FNDC3A: variants seen among roughly 807,000 people sequenced by gnomAD.
The protein encoded by FNDC3A is fibronectin type III domain containing 3A, also known as fibronectin type-III domain-containing protein 3A.
A neutral mutation model predicts 148.9 loss-of-function variants in FNDC3A; 32 were observed. That is an observed-to-expected ratio of 0.21 (90% CI 0.16 to 0.29). FNDC3A has a LOEUF of 0.29. Ranked by LOEUF, FNDC3A falls within the 10% of genes least tolerant of loss-of-function variation. The probability of loss-of-function intolerance (pLI) is 1.00; values close to 1 mark genes in which losing one functional copy is unlikely to be tolerated. For synonymous variants in FNDC3A, 472 were observed against 473.6 expected (o/e 1.00, Z 0.04); for missense variants, 1,191 against 1,452.8 (o/e 0.82, Z 2.93).
At chr13:49,019,694 A>G (rs970153485) in intron 2 of FNDC3A, among the ~76,000 whole-genome samples, 8 of 152,064 alleles carry the variant, frequency 5.3e-5, no homozygotes, top group Non-Finnish European at 1.5e-5. Context: ...ATTGTGATAC[A>G]TTGTTCTTTT....
intron 4 of FNDC3A, among the ~76,000 whole-genome samples, chr13:49,126,201 C>T (rs1881684922): frequency 1.3e-5 from 2 of 151,644 alleles, no homozygotes; most frequent in South Asian, 2.1e-4. Context: ...GTTCACCGTG[C>T]TCTTGGTTCT....
intron 3 of FNDC3A, among the ~76,000 whole-genome samples, chr13:49,099,598 T>C (rs990260700): frequency 6.6e-6 from 1 of 152,166 alleles, no homozygotes; most frequent in African/African-American, 2.4e-5. Flanking sequence ...ACTTATTGTA[T>C]TGTGTATAAC....
In FNDC3A at chr13:49,208,924, T is replaced by G. The variant is rs1291256793; in HGVS notation, c.*1529T>G. The G allele has an allele frequency of 6.6e-6, 1 of 152,614 alleles. No homozygotes were observed. The highest frequency in any genetic ancestry group is 1.5e-5 in the Non-Finnish European group (1 of 68,016). 9.5% of individuals were successfully genotyped at this position (152,614 alleles called of 1,614,324 possible). ...CTGAAGAATTTCTTTTATAATAGAA[T>G]GGGCATGTATTGTAACAGTTTTATG... is the stretch of plus-strand genomic sequence containing the variant. On this transcript the variant is annotated 3_prime_UTR_variant, in exon 26 of 26. Coordinates refer to ENST00000492622, the MANE Select transcript of FNDC3A (RefSeq NM_001079673.2).
intron 2 of FNDC3A, among the ~76,000 whole-genome samples, chr13:49,066,960 GTC>G (rs1053378887): frequency 6.6e-6 from 1 of 152,120 alleles, no homozygotes; most frequent in Non-Finnish European, 1.5e-5. Context: ...TCAAAAAACA[GTC>G]TATTTTTTAA....
chr13:49,205,268 A>G (rs191519328), intron 25 of FNDC3A, among the ~76,000 whole-genome samples: 1 of 152,348 alleles, frequency 6.6e-6, no homozygotes, highest in East Asian at 1.9e-4. Flanking sequence ...TGCCAGGCTC[A>G]TGGAATGGTA....
At chr13:48,986,385 G>GGTT (rs1951795265) in intron 1 of FNDC3A, among the ~76,000 whole-genome samples, 1 of 54,412 alleles carries the variant, frequency 1.8e-5, no homozygotes, top group Non-Finnish European at 3.1e-5. Flanking sequence ...GAAGGAAGTT[G>GGTT]TTTTTTTTTT....
At chr13:49,206,436 A>C (rs1440284805) in intron 25 of FNDC3A, among the ~76,000 whole-genome samples, 1 of 151,630 alleles carries the variant, frequency 6.6e-6, no homozygotes, top group Non-Finnish European at 1.5e-5. Context: ...ATTTTTCACA[A>C]AAAAAAAATT....
intron 8 of FNDC3A, among the ~76,000 whole-genome samples, chr13:49,158,645 G>C (rs912691287): frequency 3.3e-5 from 5 of 152,182 alleles, no homozygotes; most frequent in African/African-American, 1.2e-4. Flanking sequence ...TGTCTATTTT[G>C]GCTTTTGTTG....
chr13:48,994,443 T>C (rs540826491), intron 1 of FNDC3A, among the ~76,000 whole-genome samples: 1 of 152,354 alleles, frequency 6.6e-6, no homozygotes, highest in Non-Finnish European at 1.5e-5. Flanking sequence ...TTTGTAATTA[T>C]GTTTTAAAAA....
At chr13:49,083,360 C>T (rs372965844) in intron 3 of FNDC3A, among the ~76,000 whole-genome samples, 7 of 152,082 alleles carry the variant, frequency 4.6e-5, no homozygotes, top group Admixed American at 3.3e-4. Context: ...CTTATTTTAG[C>T]GGAACTAGAA....
intron 13 of FNDC3A, among the ~76,000 whole-genome samples, chr13:49,176,804 C>CT (rs879416078): frequency 1.0e-3 from 152 of 151,408 alleles, no homozygotes; most frequent in Non-Finnish European, 1.7e-3. Flanking sequence ...AGAACTCAGT[C>CT]TTTTTTTTTC....
chr13:49,157,584 G>A (rs1883780325), intron 8 of FNDC3A, among the ~76,000 whole-genome samples: 1 of 151,290 alleles, frequency 6.6e-6, no homozygotes, highest in African/African-American at 2.4e-5. Flanking sequence ...TCCTTTGGAG[G>A]AGGAGAGGTG....
intron 2 of FNDC3A, among the ~76,000 whole-genome samples, chr13:49,016,047 C>G (rs1449942331): frequency 6.8e-6 from 1 of 146,930 alleles, no homozygotes; most frequent in Non-Finnish European, 1.5e-5. Context: ...TCATCAAGGA[C>G]ATTGGTCTAA....
At chr13:49,044,838 A>G (rs987792095) in intron 2 of FNDC3A, 2 of 372,690 alleles carry the variant, frequency 5.4e-6, no homozygotes, top group Non-Finnish European at 5.3e-6. Context: ...GTTAGAAACT[A>G]CTGGGGTTTG....
chr13:49,197,940 T>C (rs1356164928), intron 21 of FNDC3A, 42 bp from the exon 22 acceptor site: 2 of 1,590,184 alleles, frequency 1.3e-6, no homozygotes, highest in East Asian at 2.2e-5. Context: ...GGCATTTTCA[T>C]GGTCATGACT....
At chr13:49,206,388 A>G (rs984782665) in intron 25 of FNDC3A, among the ~76,000 whole-genome samples, 6 of 150,826 alleles carry the variant, frequency 4.0e-5, no homozygotes, top group African/African-American at 1.4e-4. Flanking sequence ...TGTGGTAGTT[A>G]TTTATATCTC....
intron 8 of FNDC3A, among the ~76,000 whole-genome samples, chr13:49,157,131 C>T (rs1201438868): frequency 9.1e-6 from 1 of 110,182 alleles, no homozygotes; most frequent in East Asian, 2.6e-4. Flanking sequence ...AACTTGGTTC[C>T]ATTCTCCCCA....
In FNDC3A at chr13:49,196,263, T is replaced by C. The variant is rs1055541271; in HGVS notation, c.2227-614T>C. Reference sequence around the variant, plus strand: ...TCTTTTGCTAATGAGCTTTGAAAAATTGATGACAAGAAATTTCTGTAATTG... The same window carrying C: ...TCTTTTGCTAATGAGCTTTGAAAAACTGATGACAAGAAATTTCTGTAATTG... On this transcript the variant is annotated intron_variant, in intron 19 of 25. Coordinates refer to ENST00000492622, the MANE Select transcript of FNDC3A (RefSeq NM_001079673.2). 2.0e-5 allele frequency among the ~76,000 whole-genome samples: 3 copies of C among 152,156 alleles called. No individual in the cohort carries two copies. In the East Asian group the frequency reaches 5.8e-4, roughly 29 times the overall value.
intron 2 of FNDC3A, among the ~76,000 whole-genome samples, chr13:49,056,322 A>G (rs528416863): frequency 2.0e-5 from 3 of 152,220 alleles, no homozygotes; most frequent in Non-Finnish European, 4.4e-5. Flanking sequence ...CTGGCCAGAA[A>G]TTTGCTGTTC....
Sources: gnomAD v4.1 joint callset for allele counts (sites outside exome capture counted in the v4.1 genomes callset) on GRCh38, gnomAD v4.1.1 for gene constraint, MANE v1.5 for transcripts, NCBI Gene and HGNC (gene_info 2026-07-23, HGNC 2026-07-21) for gene names.